RUFY4: variants seen among roughly 807,000 people sequenced by gnomAD.
RUFY4 encodes the protein RUN and FYVE domain containing 4.
RUFY4 carries 73 observed loss-of-function variants against 69.0 expected under a neutral mutation model. That is an observed-to-expected ratio of 1.06 (90% confidence interval 0.88 to 1.29). RUFY4 has a LOEUF of 1.29. Among genes scored for constraint, RUFY4 ranks in the 50% most tolerant of loss-of-function variants. RUFY4 has a pLI of 0.00. For synonymous variants in RUFY4, 287 were observed against 271.8 expected (o/e 1.06, Z -0.55); for missense variants, 770 against 705.6 (o/e 1.09, Z -1.03).
At chr2:218,065,811 C>G (rs1689310649), upstream of RUFY4, 1 of 152,676 alleles carries the variant, frequency 6.5e-6, no homozygotes, top group African/African-American at 2.4e-5. Flanking sequence ...GCAGTGGGCC[C>G]CCTCTGCCAG....
exon 9 of RUFY4, chr2:218,083,124 G>A (rs1236413611): frequency 6.2e-7 from 1 of 1,613,284 alleles, no homozygotes; most frequent in Non-Finnish European, 8.5e-7. Flanking sequence ...CAGGAAGAGA[G>A]AGCCGAGCTG....
chr2:218,045,661 C>G (rs999648468), intron 2 of RUFY4, among the ~76,000 whole-genome samples: 4 of 152,106 alleles, frequency 2.6e-5, no homozygotes, highest in African/African-American at 9.7e-5. Flanking sequence ...TATCAGTTTT[C>G]TCTTAGAGTT....
intron 5 of RUFY4, 83 bp downstream of exon 7, chr2:218,073,469 T>C: frequency 1.3e-6 from 2 of 1,525,416 alleles, no homozygotes; most frequent in Non-Finnish European, 1.8e-6. Flanking sequence ...CCCCAAGCCC[T>C]CAGCCTCCAG....
At chr2:218,057,094 A>G (rs1689081672) in intron 2 of RUFY4, among the ~76,000 whole-genome samples, 1 of 148,828 alleles carries the variant, frequency 6.7e-6, no homozygotes, top group African/African-American at 2.5e-5. Flanking sequence ...AAAAAAAAAA[A>G]GAGAGAGAGA....
At chr2:218,090,271 C>T (rs1221052928) in exon 11 of RUFY4, 1 of 359,292 alleles carries the variant, frequency 2.8e-6, no homozygotes. Context: ...TTTGGCGAAG[C>T]TCTCAGTGCT....
chr2:218,051,229 C>T (rs1209419780), intron 2 of RUFY4, among the ~76,000 whole-genome samples: 2 of 152,060 alleles, frequency 1.3e-5, no homozygotes, highest in South Asian at 2.1e-4. Flanking sequence ...TTATTTTTGA[C>T]TTCTTAAATA....
chr2:218,068,194 G>A (rs1689392920), upstream of RUFY4, among the ~76,000 whole-genome samples: 2 of 150,660 alleles, frequency 1.3e-5, no homozygotes, highest in African/African-American at 4.9e-5. Flanking sequence ...GGGGACTGGA[G>A]GAGGGCAGGG....
At chr2:218,071,634 C>T (rs1336978434) in intron 2 of RUFY4, among the ~76,000 whole-genome samples, 1 of 152,090 alleles carries the variant, frequency 6.6e-6, no homozygotes, top group Admixed American at 6.6e-5. Flanking sequence ...GGGACCCATC[C>T]CCCATCTCAG....
chr2:218,072,862 C>T (rs935845459), exon 4 of RUFY4: 53 of 1,534,948 alleles, frequency 3.5e-5, no homozygotes, highest in Non-Finnish European at 4.6e-5. Flanking sequence ...TGCAGCTTTG[C>T]CTCCTGAACT....
chr2:218,072,802 C>T (rs1351079691), exon 4 of RUFY4: 1 of 1,534,364 alleles, frequency 6.5e-7, no homozygotes, highest in Non-Finnish European at 8.7e-7. Flanking sequence ...TGGGGAAAGG[C>T]CGTGCCTTCA....
At chr2:218,089,903 A>G (rs771763934) in intron 10 of RUFY4, 49 bp from the exon 13 acceptor site, 4 of 1,312,478 alleles carry the variant, frequency 3.0e-6, no homozygotes, top group African/African-American at 2.9e-5. Flanking sequence ...CACTTGGGGA[A>G]GTGCCAGCTG....
At chr2:218,060,759 A>G in intron 3 of RUFY4, 2 of 1,539,872 alleles carry the variant, frequency 1.3e-6, no homozygotes, top group Non-Finnish European at 9.0e-7. Context: ...CAGCGGCACG[A>G]TGAAGCCAAA....
At position 218,073,236 on chromosome 2, in the gene RUFY4, A is replaced by C; in HGVS notation, c.387-7A>C. ...AAGGCCAAGGGTTCTGATCACTGTT[A>C]ACACAGGGAATGGTATGGACCCCGG... On this transcript the variant is annotated splice_polypyrimidine_tract_variant and splice_region_variant and intron_variant, in intron 4 of 10. Coordinates refer to ENST00000344321, the Ensembl canonical transcript of RUFY4. 6.4e-7 allele frequency: 1 copy of C among 1,550,396 alleles called. No homozygotes were observed. The highest frequency in any genetic ancestry group is 8.7e-7 in the Non-Finnish European group (1 of 1,146,994).
chr2:218,069,875 C>T (rs1050370837), upstream of RUFY4, among the ~76,000 whole-genome samples: 7 of 152,248 alleles, frequency 4.6e-5, no homozygotes, highest in South Asian at 6.2e-4. Flanking sequence ...GCCCCAGGAC[C>T]CATGGGGAGG....
intron 9 of RUFY4, among the ~76,000 whole-genome samples, chr2:218,087,674 C>T (rs1295210798): frequency 6.6e-6 from 1 of 151,980 alleles, no homozygotes; most frequent in African/African-American, 2.4e-5. Context: ...ACTAAAAATA[C>T]AAAAATTAGC....
At chr2:218,085,252 G>A (rs997820373) in intron 9 of RUFY4, among the ~76,000 whole-genome samples, 5 of 152,074 alleles carry the variant, frequency 3.3e-5, no homozygotes, top group African/African-American at 1.2e-4. Context: ...TAGTTTCCCA[G>A]TGCAAAGGTG....
chr2:218,057,658 A>G (rs1323858698), intron 2 of RUFY4, among the ~76,000 whole-genome samples: 4 of 152,186 alleles, frequency 2.6e-5, no homozygotes, highest in East Asian at 1.9e-4. Flanking sequence ...ATCACCCCAA[A>G]AAGAACCGTT....
intron 8 of RUFY4, among the ~76,000 whole-genome samples, chr2:218,080,211 C>T: frequency 6.6e-6 from 1 of 152,200 alleles, no homozygotes; most frequent in Non-Finnish European, 1.5e-5. Context: ...CTCTGTGCTA[C>T]CAGAGGCTGG....
At chr2:218,089,673 C>A (rs118160244) in intron 10 of RUFY4, 2 of 703,170 alleles carry the variant, frequency 2.8e-6, no homozygotes, top group Non-Finnish European at 5.2e-6. Context: ...CCCCTCCTTC[C>A]TCTGTGAGCA....
Sources: allele counts gnomAD v4.1 joint callset (sites outside exome capture counted in the v4.1 genomes callset), GRCh38; gene constraint gnomAD v4.1.1; transcripts MANE v1.5; gene names NCBI Gene and HGNC (gene_info 2026-07-23, HGNC 2026-07-21).